CDH12: variants seen among roughly 807,000 people sequenced by gnomAD.
The protein encoded by CDH12 is cadherin-12.
CDH12 carries 41 observed loss-of-function variants against 74.1 expected under a neutral mutation model. The ratio of observed to expected loss-of-function variants is 0.55; its 90% CI spans 0.43 to 0.72. The LOEUF (loss-of-function observed/expected upper bound fraction) is 0.72, where lower values mean the gene tolerates loss of function less well. CDH12 is among the 30% of genes least tolerant of loss of function. The pLI is 0.00. For synonymous variants in CDH12, 399 were observed against 355.0 expected (o/e 1.12, Z -1.39); for missense variants, 945 against 977.2 (o/e 0.97, Z 0.44).
intron 1 of CDH12, among the ~76,000 whole-genome samples, chr5:22,721,011 T>G (rs1319260981): frequency 3.3e-5 from 5 of 152,314 alleles, no homozygotes; most frequent in Non-Finnish European, 5.9e-5. Flanking sequence ...GCTGAAGAAG[T>G]TTGCATAAGT....
intron 1 of CDH12, among the ~76,000 whole-genome samples, chr5:22,689,377 C>T (rs1741967476): frequency 6.6e-6 from 1 of 152,096 alleles, no homozygotes; most frequent in African/African-American, 2.4e-5. Flanking sequence ...TGGAAAAAGT[C>T]CTGTTCTTAG....
chr5:21,810,309 C>A (rs573319293), intron 9 of CDH12, among the ~76,000 whole-genome samples: 1 of 152,170 alleles, frequency 6.6e-6, no homozygotes, highest in East Asian at 1.9e-4. Context: ...GGGAAAATAG[C>A]CTTTGCAGTG....
intron 1 of CDH12, among the ~76,000 whole-genome samples, chr5:22,520,973 C>T (rs186224207): frequency 1.6e-3 from 237 of 149,556 alleles, no homozygotes; most frequent in African/African-American, 5.4e-3. Context: ...CAAGCTTGCT[C>T]CCCTTCTTTC....
intron 1 of CDH12, among the ~76,000 whole-genome samples, chr5:22,618,196 A>C (rs1477492228): frequency 6.6e-6 from 1 of 152,168 alleles, no homozygotes; most frequent in East Asian, 1.9e-4. Flanking sequence ...AATGACTGCA[A>C]TATGATTTCC....
At chr5:21,842,591 G>T (rs1749934046) in intron 7 of CDH12, among the ~76,000 whole-genome samples, 1 of 152,084 alleles carries the variant, frequency 6.6e-6, no homozygotes, top group African/African-American at 2.4e-5. Context: ...CTAAGAGGTA[G>T]TCATCATTCA....
Position 22,306,037 on chromosome 5 carries a change from A to G in CDH12, c.-332-93394T>C, listed in dbSNP as rs73055905. 3.4e-3 allele frequency among the ~76,000 whole-genome samples: 518 copies of G among 151,988 alleles called. 4 individuals are homozygous for G. The highest frequency in any genetic ancestry group is 0.012 in the African/African-American group (501 of 41,488). On this transcript the variant is annotated intron_variant, in intron 3 of 14. Transcript: ENST00000382254. The stretch of plus-strand genomic sequence containing the variant: ...TAAACACCTGCTCATCTACAAACTG[A>G]CCAATTGAACTGTTATAATTCTCTC...
chr5:22,175,016 G>A (rs900133103), intron 4 of CDH12, among the ~76,000 whole-genome samples: 1 of 151,686 alleles, frequency 6.6e-6, no homozygotes, highest in African/African-American at 2.4e-5. Context: ...TACTTACCTA[G>A]AGTTAAATTA....
chr5:22,115,619 A>G (rs985916340), intron 4 of CDH12, among the ~76,000 whole-genome samples: 2 of 151,588 alleles, frequency 1.3e-5, no homozygotes, highest in African/African-American at 4.9e-5. Context: ...CAGGGCTGAT[A>G]CCATTTCCTT....
intron 6 of CDH12, among the ~76,000 whole-genome samples, chr5:21,863,840 T>C (rs557269366): frequency 1.3e-5 from 2 of 152,300 alleles, no homozygotes; most frequent in Non-Finnish European, 2.9e-5. Context: ...ACATGAACGT[T>C]TCTCAGAACT....
intron 3 of CDH12, among the ~76,000 whole-genome samples, chr5:22,354,063 C>T (rs1349387576): frequency 6.6e-6 from 1 of 152,170 alleles, no homozygotes; most frequent in East Asian, 1.9e-4. Context: ...TCAGAAAGCA[C>T]TTTCCTCTGA....
intron 4 of CDH12, among the ~76,000 whole-genome samples, chr5:22,157,640 G>T (rs1237836160): frequency 2.0e-5 from 3 of 151,884 alleles, no homozygotes; most frequent in Admixed American, 6.6e-5. Context: ...CACAAGATCT[G>T]AATGTCAAAT....
intron 4 of CDH12, among the ~76,000 whole-genome samples, chr5:22,179,322 A>G (rs569274161): frequency 2.6e-5 from 4 of 152,156 alleles, no homozygotes; most frequent in Admixed American, 2.6e-4. Context: ...ATGACATACT[A>G]TAGAGTATTC....
chr5:22,359,227 G>T (rs1740693962), intron 3 of CDH12, among the ~76,000 whole-genome samples: 1 of 152,180 alleles, frequency 6.6e-6, no homozygotes, highest in Admixed American at 6.5e-5. Context: ...ATAAAGGGAT[G>T]GAGGAAGATC....
chr5:22,138,684 T>A (rs1027699601), intron 4 of CDH12, among the ~76,000 whole-genome samples: 3 of 150,094 alleles, frequency 2.0e-5, no homozygotes, highest in African/African-American at 7.3e-5. Flanking sequence ...ATCTGCAGGA[T>A]CTTAATTTTA....
At chr5:22,167,532 C>T (rs1748757641) in intron 4 of CDH12, among the ~76,000 whole-genome samples, 1 of 152,064 alleles carries the variant, frequency 6.6e-6, no homozygotes, top group Non-Finnish European at 1.5e-5. Flanking sequence ...GCTCTTTGGA[C>T]TCAATGGCTC....
intron 3 of CDH12, among the ~76,000 whole-genome samples, chr5:22,247,426 C>T (rs1752985676): frequency 6.6e-6 from 1 of 152,112 alleles, no homozygotes; most frequent in South Asian, 2.1e-4. Context: ...CCTATAATCC[C>T]AGCACTTTGG....
At chr5:22,504,330 C>A (rs1398641103) in intron 2 of CDH12, among the ~76,000 whole-genome samples, 1 of 151,916 alleles carries the variant, frequency 6.6e-6, no homozygotes, top group African/African-American at 2.4e-5. Flanking sequence ...AAAGCCTAAC[C>A]TTTACTGAAT....
intron 2 of CDH12, among the ~76,000 whole-genome samples, chr5:22,472,735 T>G (rs1467768231): frequency 5.3e-5 from 8 of 152,016 alleles, no homozygotes; most frequent in Non-Finnish European, 7.4e-5. Flanking sequence ...GACCCAAAAT[T>G]TTACCACACC....
chr5:22,573,722 G>A (rs1739646060), intron 1 of CDH12, among the ~76,000 whole-genome samples: 1 of 151,978 alleles, frequency 6.6e-6, no homozygotes, highest in African/African-American at 2.4e-5. Flanking sequence ...CAGTTTTCGT[G>A]TTTATTTCTT....
Sources: allele counts gnomAD v4.1 joint callset (sites outside exome capture counted in the v4.1 genomes callset), GRCh38; gene constraint gnomAD v4.1.1; transcripts MANE v1.5; gene names NCBI Gene and HGNC (gene_info 2026-07-23, HGNC 2026-07-21).